RBFOX1: variants seen among roughly 807,000 people sequenced by gnomAD.
The protein encoded by RBFOX1 is RNA binding protein fox-1 homolog 1.
Under a neutral mutation model 57.7 loss-of-function variants are expected in RBFOX1, and 8 were observed. The observed-to-expected ratio is 0.14, with a 90% CI of 0.08 to 0.25. The LOEUF is 0.25. RBFOX1 is among the 10% of genes least tolerant of loss of function. The probability of loss-of-function intolerance (pLI) is 1.00; values close to 1 mark genes in which losing one functional copy is unlikely to be tolerated. For synonymous variants in RBFOX1, 326 were observed against 222.4 expected (o/e 1.47, Z -4.15); for missense variants, 611 against 548.5 (o/e 1.11, Z -1.14).
rs144623662 is a variant in RBFOX1 at position 7,518,544 on chromosome 16, C to G, written c.270+155C>G. On this transcript the variant is annotated intron_variant, in intron 5 of 15. Coordinates refer to ENST00000550418, the MANE Select transcript of RBFOX1 (RefSeq NM_018723.4). ...ATCATACCAGCTTCCTGAAGTTTAC[C>G]TCATTTCCATGCATTCATTCTTAGC... Among the ~76,000 whole-genome samples the G allele has an allele frequency of 2.6e-3, 395 of 152,332 alleles. 3 individuals are homozygous for G. The highest frequency in any genetic ancestry group is 6.8e-3 in the Middle Eastern group (2 of 294).
At chr16:5,389,122 C>T (rs576406622) in intron 1 of RBFOX1, among the ~76,000 whole-genome samples, 1 of 151,678 alleles carries the variant, frequency 6.6e-6, no homozygotes, top group Non-Finnish European at 1.5e-5. Context: ...ACCCGGGAGG[C>T]GGAGCTTGCA....
intron 3 of RBFOX1, among the ~76,000 whole-genome samples, chr16:6,811,692 C>G (rs1411710109): frequency 2.6e-5 from 4 of 152,220 alleles, no homozygotes; most frequent in African/African-American, 4.8e-5. Flanking sequence ...GAGTTTAAGA[C>G]TAGCCTGGCC....
chr16:7,181,887 A>T (rs1328154916), intron 4 of RBFOX1, among the ~76,000 whole-genome samples: 1 of 152,124 alleles, frequency 6.6e-6, no homozygotes, highest in Non-Finnish European at 1.5e-5. Context: ...CTGAGTCACC[A>T]TATGTGAAGT....
chr16:5,373,703 A>G (rs1457343677), intron 1 of RBFOX1, among the ~76,000 whole-genome samples: 1 of 147,230 alleles, frequency 6.8e-6, no homozygotes, highest in Non-Finnish European at 1.5e-5. Flanking sequence ...TCCCGGGTTC[A>G]GGCTATTCTC....
At position 6,736,205 on chromosome 16, in the gene RBFOX1, T is replaced by C. The variant is rs531692858; in HGVS notation, c.-16+81555T>C. Among the ~76,000 whole-genome samples, 11 of 152,258 alleles carry C rather than the reference T, an allele frequency of 7.2e-5. No homozygotes were observed. The South Asian group carries it at 1.9e-3, about 26-fold the overall frequency. On this transcript the variant is annotated intron_variant, in intron 3 of 15. Transcript: ENST00000550418. ...TAAATTTTATTTTTCCATAAGTTAT[T>C]GGGGTACAGTTGGTATTTGCATACA...
chr16:7,017,867 G>A (rs1320662592), intron 3 of RBFOX1, among the ~76,000 whole-genome samples: 3 of 152,104 alleles, frequency 2.0e-5, no homozygotes, highest in Non-Finnish European at 4.4e-5. Context: ...AGAGAGAATT[G>A]GAGTCTTCGA....
chr16:7,704,432 T>C (rs1016024787), intron 14 of RBFOX1, among the ~76,000 whole-genome samples: 4 of 152,218 alleles, frequency 2.6e-5, no homozygotes, highest in Non-Finnish European at 2.9e-5. Context: ...TTCTTCTGTC[T>C]TGAAGCATCC....
In RBFOX1 at chr16:6,450,811, A is replaced by ATG. The variant is rs2094588704; in HGVS notation, c.-64+133755_-64+133756insGT. On this transcript the variant is annotated intron_variant, in intron 2 of 15. Transcript: ENST00000550418. ...TATACATATATATATGTATATATAT[A>ATG]TATATACATATATATATATATATAT... 2.6e-3 allele frequency among the ~76,000 whole-genome samples: 62 copies of ATG among 24,116 alleles called. 5 individuals carry two copies. In the East Asian group the frequency reaches 0.063, roughly 25 times the overall value. The allele number at this position is 24,116 out of a possible 152,430, so 15.8% of individuals were successfully genotyped here.
chr16:7,400,590 G>C (rs2098224828), intron 4 of RBFOX1, among the ~76,000 whole-genome samples: 1 of 152,156 alleles, frequency 6.6e-6, no homozygotes, highest in Non-Finnish European at 1.5e-5. Flanking sequence ...CCAGCAAGAA[G>C]AAATTTGGAA....
intron 5 of RBFOX1, among the ~76,000 whole-genome samples, chr16:7,572,139 A>G (rs888583958): frequency 6.6e-6 from 1 of 152,156 alleles, no homozygotes; most frequent in Non-Finnish European, 1.5e-5. Flanking sequence ...AACAAAACTG[A>G]TGGTTATTAA....
At chr16:6,997,419 C>T (rs1242911646) in intron 3 of RBFOX1, among the ~76,000 whole-genome samples, 1 of 152,164 alleles carries the variant, frequency 6.6e-6, no homozygotes, top group Non-Finnish European at 1.5e-5. Flanking sequence ...GAAACGGCTG[C>T]TTGATCAGAG....
At chr16:6,696,064 C>G (rs1454951544) in intron 3 of RBFOX1, among the ~76,000 whole-genome samples, 3 of 152,150 alleles carry the variant, frequency 2.0e-5, no homozygotes, top group Admixed American at 6.5e-5. Flanking sequence ...ATTGTTGTAT[C>G]TAGAAAACTG....
chr16:5,927,495 G>A (rs894310802), intron 4 of RBFOX1, among the ~76,000 whole-genome samples: 1 of 152,214 alleles, frequency 6.6e-6, no homozygotes, highest in Non-Finnish European at 1.5e-5. Flanking sequence ...TACACTGCTA[G>A]TGGGAATGTA....
chr16:6,805,140 C>G (rs1436042607), intron 3 of RBFOX1, among the ~76,000 whole-genome samples: 1 of 152,092 alleles, frequency 6.6e-6, no homozygotes, highest in Non-Finnish European at 1.5e-5. Context: ...TGGAATCAAC[C>G]TAAAGGCCCA....
At chr16:6,024,704 C>G (rs369496099) in intron 1 of RBFOX1, among the ~76,000 whole-genome samples, 4 of 152,100 alleles carry the variant, frequency 2.6e-5, no homozygotes, top group African/African-American at 9.7e-5. Flanking sequence ...TGGTCTTAAA[C>G]GCCTGACCTC....
chr16:7,554,385 C>T (rs1020116759), intron 5 of RBFOX1, among the ~76,000 whole-genome samples: 21 of 152,180 alleles, frequency 1.4e-4, no homozygotes, highest in African/African-American at 4.3e-4. Flanking sequence ...CCATTTTAGT[C>T]ATTAGCAACC....
At chr16:7,245,897 G>C (rs1378299000) in intron 4 of RBFOX1, among the ~76,000 whole-genome samples, 1 of 152,060 alleles carries the variant, frequency 6.6e-6, no homozygotes. Context: ...CTTGCAAATA[G>C]ATATTCAATT....
chr16:7,697,683 C>G (rs1322912757), intron 14 of RBFOX1, among the ~76,000 whole-genome samples: 1 of 152,188 alleles, frequency 6.6e-6, no homozygotes, highest in Non-Finnish European at 1.5e-5. Context: ...TGGAGTCCAT[C>G]TGATGCCAAA....
chr16:5,409,112 C>G (rs905253296), intron 1 of RBFOX1, among the ~76,000 whole-genome samples: 2 of 152,160 alleles, frequency 1.3e-5, no homozygotes, highest in Non-Finnish European at 2.9e-5. Flanking sequence ...AGGGCAGGTC[C>G]CAGGCAGCAA....
Sources: gnomAD v4.1 joint callset for allele counts (sites outside exome capture counted in the v4.1 genomes callset) on GRCh38, gnomAD v4.1.1 for gene constraint, MANE v1.5 for transcripts, NCBI Gene and HGNC (gene_info 2026-07-23, HGNC 2026-07-21) for gene names.